The following SLC8A1 variants were observed in gnomAD, a reference collection of about 807,000 sequenced individuals.
SLC8A1 encodes solute carrier family 8 member A1.
Under a neutral mutation model 68.3 loss-of-function variants are expected in SLC8A1, and 18 were observed. That is an observed-to-expected ratio of 0.26 (90% CI 0.18 to 0.39). The LOEUF (loss-of-function observed/expected upper bound fraction) is 0.39, where lower values mean the gene tolerates loss of function less well. Among genes scored for constraint, SLC8A1 ranks in the 10% least tolerant of loss-of-function variants. SLC8A1 has a pLI of 1.00. For missense variants in SLC8A1, 985 were observed against 1,156.7 expected (o/e 0.85, Z 2.15); for synonymous variants, 475 against 415.5 (o/e 1.14, Z -1.74).
chr2:40,246,203 A>G (rs2061844436), intron 2 of SLC8A1, among the ~76,000 whole-genome samples: 1 of 152,224 alleles, frequency 6.6e-6, no homozygotes. Flanking sequence ...CATCTTGGAT[A>G]TGGTTGGTTA....
intron 2 of SLC8A1, among the ~76,000 whole-genome samples, chr2:40,316,219 A>G (rs1232663048): frequency 6.6e-6 from 1 of 152,088 alleles, no homozygotes; most frequent in Non-Finnish European, 1.5e-5. Flanking sequence ...CACTGATATC[A>G]TTCTGGACTC....
intron 2 of SLC8A1, among the ~76,000 whole-genome samples, chr2:40,411,337 T>C (rs1692071494): frequency 6.6e-6 from 1 of 152,104 alleles, no homozygotes; most frequent in African/African-American, 2.4e-5. Flanking sequence ...ATATAAGCAC[T>C]GGTAAGGTTT....
At chr2:40,252,822 A>AAAATTTGGC (rs1416157643) in intron 2 of SLC8A1, among the ~76,000 whole-genome samples, 6 of 138,038 alleles carry the variant, frequency 4.3e-5, no homozygotes, top group East Asian at 2.1e-4. Flanking sequence ...ATACATATAT[A>AAAATTTGGC]TGTATATACA....
intron 2 of SLC8A1, among the ~76,000 whole-genome samples, chr2:40,256,516 G>T (rs553318846): frequency 6.6e-6 from 1 of 152,158 alleles, no homozygotes; most frequent in Non-Finnish European, 1.5e-5. Flanking sequence ...CTATCTTTAC[G>T]TCTAAAGTGT....
intron 2 of SLC8A1, among the ~76,000 whole-genome samples, chr2:40,265,877 C>T (rs1183041591): frequency 6.6e-6 from 1 of 152,100 alleles, no homozygotes; most frequent in African/African-American, 2.4e-5. Context: ...AATCTACTAG[C>T]AGCCAAGGAT....
chr2:40,363,381 A>G (rs751946084), intron 2 of SLC8A1, among the ~76,000 whole-genome samples: 20 of 152,098 alleles, frequency 1.3e-4, no homozygotes, highest in Non-Finnish European at 2.6e-4. Context: ...ATTTACTTAA[A>G]CAGTTATTTT....
At chr2:40,293,807 T>C (rs765759763) in intron 2 of SLC8A1, among the ~76,000 whole-genome samples, 4 of 152,142 alleles carry the variant, frequency 2.6e-5, no homozygotes, top group Non-Finnish European at 1.5e-5. Flanking sequence ...GACTTATCTA[T>C]GGTATATTCA....
chr2:40,228,334 C>T (rs929491097), intron 2 of SLC8A1, among the ~76,000 whole-genome samples: 1 of 152,190 alleles, frequency 6.6e-6, no homozygotes, highest in Non-Finnish European at 1.5e-5. Flanking sequence ...AATTCTTATA[C>T]TTAAAGCAGT....
intron 2 of SLC8A1, among the ~76,000 whole-genome samples, chr2:40,279,678 G>T (rs1170830946): frequency 1.3e-5 from 2 of 152,180 alleles, no homozygotes; most frequent in Non-Finnish European, 2.9e-5. Flanking sequence ...TCCTATTTCA[G>T]TCCTTCTTTT....
intron 2 of SLC8A1, among the ~76,000 whole-genome samples, chr2:40,263,157 C>T (rs2064926330): frequency 1.3e-5 from 2 of 152,232 alleles, no homozygotes; most frequent in South Asian, 4.1e-4. Flanking sequence ...TGAAGCCATG[C>T]TCCACCATTT....
chr2:40,314,394 G>C (rs62150812), intron 2 of SLC8A1, among the ~76,000 whole-genome samples: 40,448 of 151,620 alleles, frequency 0.27, 5,413 homozygotes, highest in East Asian at 0.37. Flanking sequence ...ACACTAGCTT[G>C]GTACCTGAAA....
At chr2:40,348,072 A>G (rs1669907841) in intron 2 of SLC8A1, among the ~76,000 whole-genome samples, 1 of 152,198 alleles carries the variant, frequency 6.6e-6, no homozygotes, top group Non-Finnish European at 1.5e-5. Flanking sequence ...GTCATAGAGA[A>G]GCTGAAGTGT....
intron 6 of SLC8A1, among the ~76,000 whole-genome samples, chr2:40,152,897 G>A (rs1160422441): frequency 6.6e-6 from 1 of 151,956 alleles, no homozygotes; most frequent in Non-Finnish European, 1.5e-5. Context: ...AGGAGTTCAA[G>A]GGTACAGTGA....
chr2:40,184,316 G>A (rs1259720355), intron 2 of SLC8A1, among the ~76,000 whole-genome samples: 2 of 152,164 alleles, frequency 1.3e-5, no homozygotes, highest in Non-Finnish European at 2.9e-5. Context: ...TTGTGAGACA[G>A]TAATAGTCCA....
In SLC8A1 at chr2:40,204,674, C is replaced by T. The variant is rs147865460; in HGVS notation, c.1809-26819G>A. On this transcript the variant is annotated intron_variant, in intron 2 of 7. Coordinates refer to ENST00000406785, the Ensembl canonical transcript of SLC8A1. ...GAATAGGTCAGACAGGTTAGTCCAACAGAAATACAATGCAAGTCACATATA... is the reference window on the plus strand; with the variant it reads ...GAATAGGTCAGACAGGTTAGTCCAATAGAAATACAATGCAAGTCACATATA... Among the ~76,000 whole-genome samples, 440 of 151,754 alleles carry T rather than the reference C, an allele frequency of 2.9e-3. 1 individual carries two copies. The highest frequency in any genetic ancestry group is 7.5e-3 in the South Asian group (36 of 4,798).
At chr2:40,201,928 C>G (rs1371930108) in intron 2 of SLC8A1, among the ~76,000 whole-genome samples, 1 of 151,936 alleles carries the variant, frequency 6.6e-6, no homozygotes, top group Non-Finnish European at 1.5e-5. Context: ...ATCTATGTGC[C>G]TCTTTGCAGC....
chr2:40,248,789 T>TCA (rs2062267868), intron 2 of SLC8A1, among the ~76,000 whole-genome samples: 1 of 152,214 alleles, frequency 6.6e-6, no homozygotes, highest in South Asian at 2.1e-4. Context: ...AAGGTGGGAC[T>TCA]ACTGGCTGTT....
At chr2:40,143,717 A>G (rs190189948) in intron 6 of SLC8A1, among the ~76,000 whole-genome samples, 154 of 152,302 alleles carry the variant, frequency 1.0e-3, no homozygotes, top group African/African-American at 3.4e-3. Flanking sequence ...TGAGAGCAAG[A>G]GCATCATCAG....
chr2:40,103,479 T>A lies in SLC8A1; in HGVS notation c.*11774A>T, dbSNP rs1025191399. 8.5e-4 allele frequency: 130 copies of A among 152,224 alleles called. 2 individuals are homozygous for A. The highest frequency in any genetic ancestry group is 3.0e-3 in the African/African-American group (125 of 41,464). 9.4% of individuals were successfully genotyped at this position (152,224 alleles called of 1,614,324 possible). ...AATTTTTTCTCATCTTCCTTTAGAA[T>A]AATTACACCTTTAAATATCTTTCTG... On this transcript the variant is annotated 3_prime_UTR_variant, in exon 8 of 8. Coordinates refer to ENST00000406785, the Ensembl canonical transcript of SLC8A1.
Sources: gnomAD v4.1 joint callset for allele counts (sites outside exome capture counted in the v4.1 genomes callset) on GRCh38, gnomAD v4.1.1 for gene constraint, MANE v1.5 for transcripts, NCBI Gene and HGNC (gene_info 2026-07-23, HGNC 2026-07-21) for gene names.